The following SECTM1 variants were observed in gnomAD, a reference collection of about 807,000 sequenced individuals.
SECTM1 encodes the protein secreted and transmembrane protein 1.
In SECTM1, 10 loss-of-function variants were observed where a neutral mutation model predicts 18.1. The observed-to-expected ratio is 0.55, with a 90% CI of 0.34 to 0.94. SECTM1 has a LOEUF of 0.94. SECTM1 is among the 40% of genes least tolerant of loss of function. The pLI is 0.02. For missense variants in SECTM1, 297 were observed against 322.6 expected, an observed-to-expected ratio of 0.92 and a Z score of 0.61; for synonymous variants, 137 against 139.2, an observed-to-expected ratio of 0.98 and a Z score of 0.11.
At chr17:82,324,509 CTGCCCA>C in intron 3 of SECTM1, 67 bp downstream of exon 3, 12 of 945,884 alleles carry the variant, frequency 1.3e-5, no homozygotes, top group East Asian at 7.2e-5. Flanking sequence ...AGCCCTCCCC[CTGCCCA>C]GGCCCCCTCC....
At chr17:82,332,649 C>A (rs975357699) in intron 1 of SECTM1, among the ~76,000 whole-genome samples, 1 of 152,224 alleles carries the variant, frequency 6.6e-6, no homozygotes, top group South Asian at 2.1e-4. Context: ...CCCAGGCCCA[C>A]GGTGTGGACG....
intron 1 of SECTM1, among the ~76,000 whole-genome samples, chr17:82,332,285 C>T (rs958955324): frequency 1.3e-5 from 2 of 152,222 alleles, no homozygotes; most frequent in African/African-American, 2.4e-5. Context: ...CCCTGACAAG[C>T]GATGATGCGC....
rs144055904 is a variant in SECTM1, at chr17:82,326,190, G to T, written c.94+957C>A. ...GGGGGCAGAATCTCCCGAAACCAGG[G>T]TTCTTCCACCTGGGATTCTTCCCTT... is the stretch of plus-strand genomic sequence containing the variant. On this transcript the variant is annotated intron_variant, in intron 2 of 4. Transcript: ENST00000269389. This position sits in a 1 kb window ranked among gnomAD's most constrained non-coding sequence, Gnocchi z 4.3. 7.9e-4 allele frequency among the ~76,000 whole-genome samples: 121 copies of T among 152,352 alleles called. No individual in the cohort carries two copies. The highest frequency in any genetic ancestry group is 2.8e-3 in the African/African-American group (117 of 41,580).
intron 2 of SECTM1, 136 bp downstream of exon 2, chr17:82,327,011 C>T: frequency 1.5e-6 from 1 of 678,084 alleles, no homozygotes; most frequent in South Asian, 1.8e-5. Flanking sequence ...CATGGTCAGG[C>T]CCTGGGTCTG....
rs1430581721 is a variant in SECTM1, at chr17:82,322,288, G to T, written c.620C>A (p.Ala207Asp). Residue 207 changes from alanine to aspartate, a missense_variant, in exon 5 of 5, where the codon GCT (alanine) becomes GAT (aspartate). Ala to Asp is a moderately radical substitution (Grantham distance 126, BLOSUM62 -2). Coordinates refer to ENST00000269389, the MANE Select transcript of SECTM1 (RefSeq NM_003004.3). The part of the protein sequence containing the change: ...GAQQGLSRAS[A>D]ELWTPDSEPT... ...CTCGGAGTCTGGGGTCCACAGTTCA[G>T]CGGAGGCTCTGCTCAGGCCCTGCTG... is the stretch of plus-strand genomic sequence containing the variant. The T allele has an allele frequency of 1.2e-6, 2 of 1,612,724 alleles. No individual in the cohort carries two copies. The highest frequency in any genetic ancestry group is 1.7e-6 in the Non-Finnish European group (2 of 1,179,196).
chr17:82,322,072 C>T lies in SECTM1; in HGVS notation c.*89G>A. The T allele has an allele frequency of 7.6e-7, 1 of 1,322,464 alleles. No individual in the cohort carries two copies. Among genetic ancestry groups the T allele is most frequent in the Non-Finnish European group, 1.1e-6 (1 of 930,126 alleles). 81.9% of individuals were successfully genotyped at this position (1,322,464 alleles called of 1,614,324 possible). On this transcript the variant is annotated 3_prime_UTR_variant, in exon 5 of 5. Coordinates refer to ENST00000269389, the MANE Select transcript of SECTM1 (RefSeq NM_003004.3). ...CTGCCAAGCAAGCCGGTGTCTGTGCCCTCCGGGTGGGACGAGAGACCCAGG... is the reference window on the plus strand; with the variant it reads ...CTGCCAAGCAAGCCGGTGTCTGTGCTCTCCGGGTGGGACGAGAGACCCAGG...
At position 82,330,129 on chromosome 17, in the gene SECTM1, G is replaced by A. The variant is rs2052179975; in HGVS notation, c.-52-2837C>T. Among the ~76,000 whole-genome samples, 2 of 152,140 alleles carry A rather than the reference G, an allele frequency of 1.3e-5. No individual in the cohort carries two copies. Among genetic ancestry groups the A allele is most frequent in the African/African-American group, 4.8e-5 (2 of 41,434 alleles). ...CCTGGGTCCGGCTCCCTCACCCCAC[G>A]CTCCACGATGCCAGCTCAGCCACCC... On this transcript the variant is annotated intron_variant, in intron 1 of 4. Coordinates refer to ENST00000269389, the MANE Select transcript of SECTM1 (RefSeq NM_003004.3). This position sits in a 1 kb window ranked among gnomAD's most constrained non-coding sequence, Gnocchi z 6.1.
chr17:82,322,026 TG>T lies in SECTM1; in HGVS notation c.*134del. 1 of 751,404 alleles carries T rather than the reference TG, an allele frequency of 1.3e-6. No individual in the cohort carries two copies. Among genetic ancestry groups the T allele is most frequent in the Non-Finnish European group, 2.2e-6 (1 of 452,730 alleles). 46.5% of individuals were successfully genotyped at this position (751,404 alleles called of 1,614,324 possible). A position where few individuals can be genotyped will look rare whatever the true frequency, so the allele number is the denominator to read the frequency against. ...GGAAGGGTCTGCACGCACCCAGGAG[TG>T]GGTGACACAGAGGCCCAGCCTGCCA... On this transcript the variant is annotated 3_prime_UTR_variant, in exon 5 of 5. Transcript: ENST00000269389.
Position 82,325,933 on chromosome 17 carries a change from G to A in SECTM1, c.95-1043C>T, listed in dbSNP as rs1346109251. On this transcript the variant is annotated intron_variant, in intron 2 of 4. Coordinates refer to ENST00000269389, the MANE Select transcript of SECTM1 (RefSeq NM_003004.3). This position sits in a 1 kb window ranked among gnomAD's most constrained non-coding sequence, Gnocchi z 7.6. The stretch of plus-strand genomic sequence containing the variant: ...TGGTGGGTGCCATGTGCTGGCAAGT[G>A]CCAGGGGCCTTGGTGCCCATGGGAG... 6.6e-6 allele frequency among the ~76,000 whole-genome samples: 1 copy of A among 152,242 alleles called. No homozygotes were observed. The highest frequency in any genetic ancestry group is 1.5e-5 in the Non-Finnish European group (1 of 68,038).
Position 82,325,011 on chromosome 17 carries a change from T to G in SECTM1, c.95-121A>C, listed in dbSNP as rs1293497243. On this transcript the variant is annotated intron_variant, in intron 2 of 4. Coordinates refer to ENST00000269389, the MANE Select transcript of SECTM1 (RefSeq NM_003004.3). The surrounding 1 kb of genome is among the most constrained non-coding windows in gnomAD (Gnocchi z 7.6). ...GGCCTCTAAGGGACACAGTGAACTATGTATACATCCACCCGACCCAATCAG... is the reference window on the plus strand; with the variant it reads ...GGCCTCTAAGGGACACAGTGAACTAGGTATACATCCACCCGACCCAATCAG... 3 of 861,246 alleles carry G rather than the reference T, an allele frequency of 3.5e-6. No individual in the cohort carries two copies. Among genetic ancestry groups the G allele is most frequent in the Non-Finnish European group, 5.3e-6 (3 of 569,726 alleles). 53.4% of individuals were successfully genotyped at this position (861,246 alleles called of 1,614,324 possible).
chr17:82,327,374 C>T, intron 1 of SECTM1, 82 bp from the exon 2 acceptor site: 4 of 769,396 alleles, frequency 5.2e-6, no homozygotes, highest in Non-Finnish European at 8.6e-6. Flanking sequence ...CTGGCGGGGG[C>T]TGGGAGGCTG....
chr17:82,324,186 G>A (rs915452004), intron 3 of SECTM1, among the ~76,000 whole-genome samples: 6 of 152,096 alleles, frequency 3.9e-5, no homozygotes, highest in African/African-American at 1.4e-4. Context: ...GGGTGGGGGT[G>A]GCAGGGAGGC....
chr17:82,331,766 C>T (rs1486628073), intron 1 of SECTM1, among the ~76,000 whole-genome samples: 3 of 152,222 alleles, frequency 2.0e-5, no homozygotes, highest in Admixed American at 6.5e-5. Context: ...GGTGACTGGC[C>T]GGGCAGCTCC....
At position 82,326,187 on chromosome 17, in the gene SECTM1, A is replaced by C. The variant is rs190090749; in HGVS notation, c.94+960T>G. Among the ~76,000 whole-genome samples the C allele has an allele frequency of 3.5e-4, 54 of 152,338 alleles. 2 individuals are homozygous for C. The East Asian group carries it at 9.6e-3, about 27-fold the overall frequency. ...GGTGGGGGCAGAATCTCCCGAAACC[A>C]GGGTTCTTCCACCTGGGATTCTTCC... is the stretch of plus-strand genomic sequence containing the variant. On this transcript the variant is annotated intron_variant, in intron 2 of 4. Transcript: ENST00000269389. The surrounding 1 kb of genome is among the most constrained non-coding windows in gnomAD (Gnocchi z 4.3).
Position 82,328,213 on chromosome 17 carries a change from A to T in SECTM1, c.-52-921T>A, listed in dbSNP as rs548735089. On this transcript the variant is annotated intron_variant, in intron 1 of 4. Coordinates refer to ENST00000269389, the MANE Select transcript of SECTM1 (RefSeq NM_003004.3). The surrounding 1 kb of genome is among the most constrained non-coding windows in gnomAD (Gnocchi z 5.8). Reference sequence around the variant, plus strand: ...TTGTGCCATCTTGTCTCAGGCCTGCAAACACTAGGGGCCCCCTAGCTGTGT... The same window carrying T: ...TTGTGCCATCTTGTCTCAGGCCTGCTAACACTAGGGGCCCCCTAGCTGTGT... The T allele has an allele frequency of 2.0e-5, 3 of 152,294 alleles. No homozygotes were observed. The East Asian group carries it at 5.8e-4, about 29-fold the overall frequency. 9.4% of individuals were successfully genotyped at this position (152,294 alleles called of 1,614,324 possible).
intron 1 of SECTM1, among the ~76,000 whole-genome samples, 190 bp downstream of exon 1, chr17:82,333,510 C>T (rs999898397): frequency 6.6e-6 from 1 of 152,260 alleles, no homozygotes; most frequent in African/African-American, 2.4e-5. Context: ...GCGCCGCAGC[C>T]CCAGAGTCCC....
At chr17:82,327,377 G>A in intron 1 of SECTM1, 85 bp from the exon 2 acceptor site, 1 of 738,132 alleles carries the variant, frequency 1.4e-6, no homozygotes, top group Non-Finnish European at 2.3e-6. Context: ...GCGGGGGCTG[G>A]GAGGCTGGGG....
At chr17:82,327,575 A>G (rs1169702496) in intron 1 of SECTM1, among the ~76,000 whole-genome samples, 1 of 152,170 alleles carries the variant, frequency 6.6e-6, no homozygotes, top group Non-Finnish European at 1.5e-5. Flanking sequence ...TTTGTTTTAC[A>G]ATAAATTACT....
chr17:82,324,875 A>G lies in SECTM1; in HGVS notation c.110T>C (p.Ile37Thr), dbSNP rs2052132637. The change falls in exon 3 of 5, where the codon ATC (isoleucine) becomes ACC (threonine). Residue 37 changes from isoleucine to threonine, a missense_variant. Physicochemically the swap from Ile to Thr is moderately conservative, Grantham distance 89 (BLOSUM62 -1). Coordinates refer to ENST00000269389, the MANE Select transcript of SECTM1 (RefSeq NM_003004.3). ...SAQNEGWDSP[I>T]CTEGVVSVSW... Reference sequence around the variant, plus strand: ...CACAGAGACTACCCCCTCTGTGCAGATGGGGCTGTCCCAGCCTGTAGGGCC... The same window carrying G: ...CACAGAGACTACCCCCTCTGTGCAGGTGGGGCTGTCCCAGCCTGTAGGGCC... 6.2e-7 allele frequency: 1 copy of G among 1,611,606 alleles called. No homozygotes were observed. The highest frequency in any genetic ancestry group is 1.3e-5 in the African/African-American group (1 of 74,814).
Sources: allele counts gnomAD v4.1 joint callset (sites outside exome capture counted in the v4.1 genomes callset), GRCh38; gene constraint gnomAD v4.1.1; non-coding constraint Gnocchi (gnomAD v3.1); transcripts MANE v1.5; gene names NCBI Gene and HGNC (gene_info 2026-07-23, HGNC 2026-07-21).